The following NKAIN3 variants were observed in gnomAD, a reference collection of about 807,000 sequenced individuals.
The protein encoded by NKAIN3 is sodium/potassium-transporting ATPase subunit beta-1-interacting protein 3.
Under a neutral mutation model 30.2 loss-of-function variants are expected in NKAIN3, and 25 were observed. That is an observed-to-expected ratio of 0.83 (90% confidence interval 0.60 to 1.16). NKAIN3 has a LOEUF of 1.16. Ranked by LOEUF, NKAIN3 falls within the 50% of genes most tolerant of loss-of-function variation. The pLI is 0.00. For missense variants in NKAIN3, 225 were observed against 254.1 expected (o/e 0.89, Z 0.78); for synonymous variants, 91 against 89.6 (o/e 1.02, Z -0.09).
chr8:62,740,875 G>A (rs1168009998), intron 3 of NKAIN3, among the ~76,000 whole-genome samples: 1 of 151,986 alleles, frequency 6.6e-6, no homozygotes, highest in East Asian at 1.9e-4. Flanking sequence ...GGAAAAGGTA[G>A]ATACCATGGA....
At chr8:62,452,004 T>C (rs1411324937) in intron 1 of NKAIN3, among the ~76,000 whole-genome samples, 1 of 152,206 alleles carries the variant, frequency 6.6e-6, no homozygotes, top group Non-Finnish European at 1.5e-5. Flanking sequence ...GTTTGAACAT[T>C]ACAATGTCAT....
At chr8:62,536,942 C>G (rs1004747957) in intron 1 of NKAIN3, among the ~76,000 whole-genome samples, 1 of 152,094 alleles carries the variant, frequency 6.6e-6, no homozygotes, top group South Asian at 2.1e-4. Context: ...CTCTGCTCTC[C>G]CATCAGGAGA....
At chr8:62,331,515 A>G (rs558786412) in intron 1 of NKAIN3, among the ~76,000 whole-genome samples, 1 of 152,164 alleles carries the variant, frequency 6.6e-6, no homozygotes, top group South Asian at 2.1e-4. Flanking sequence ...CAAATGTGAA[A>G]AGCTAGAACT....
rs1414258629 is a variant in NKAIN3, at chr8:62,333,026, G to GT, written c.54+83904dup. Among the ~76,000 whole-genome samples, 3 of 152,100 alleles carry GT rather than the reference G, an allele frequency of 2.0e-5. No individual in the cohort carries two copies. The East Asian group carries it at 5.8e-4, about 29-fold the overall frequency. ...AAAACAAAACCAACAAAAAACAGTT[G>GT]TTTTTCCAGCACAATTCATGAGATT... On this transcript the variant is annotated intron_variant, in intron 1 of 6. Transcript: ENST00000623646.
At position 62,486,774 on chromosome 8, in the gene NKAIN3, A is replaced by C. The variant is rs76349306; in HGVS notation, c.55-92765A>C. Among the ~76,000 whole-genome samples, 5 of 152,240 alleles carry C rather than the reference A, an allele frequency of 3.3e-5. No homozygotes were observed. The East Asian group carries it at 9.6e-4, about 29-fold the overall frequency. On this transcript the variant is annotated intron_variant, in intron 1 of 6. Transcript: ENST00000623646. ...ACCATTTGCAATTGTCTTAAGGCTC[A>C]GTAAATGGCAACTGGCAACAACTTC...
At chr8:62,881,817 C>T (rs1820992821) in intron 4 of NKAIN3, among the ~76,000 whole-genome samples, 1 of 152,240 alleles carries the variant, frequency 6.6e-6, no homozygotes. Context: ...GCCAAACTGT[C>T]TTCCAAAGCA....
intron 1 of NKAIN3, among the ~76,000 whole-genome samples, chr8:62,512,083 A>G (rs969831496): frequency 1.3e-5 from 2 of 152,172 alleles, no homozygotes; most frequent in African/African-American, 4.8e-5. Flanking sequence ...TGCTTTTAGC[A>G]AAATGAACTT....
chr8:62,253,440 T>G (rs570934244), intron 1 of NKAIN3, among the ~76,000 whole-genome samples: 10 of 152,184 alleles, frequency 6.6e-5, no homozygotes, highest in African/African-American at 2.4e-4. Context: ...TGTGGTGAGT[T>G]GTGCCTCTAG....
chr8:62,849,033 GC>G (rs1819778834), intron 4 of NKAIN3, among the ~76,000 whole-genome samples: 2 of 152,234 alleles, frequency 1.3e-5, no homozygotes, highest in South Asian at 4.1e-4. Flanking sequence ...TGGTGGATAA[GC>G]TTTTTGATGT....
chr8:62,895,488 G>C (rs1821404366), intron 4 of NKAIN3, among the ~76,000 whole-genome samples: 1 of 152,178 alleles, frequency 6.6e-6, no homozygotes, highest in Non-Finnish European at 1.5e-5. Flanking sequence ...AGTTTAACAA[G>C]ATCTCAGGTA....
At chr8:62,338,906 A>G (rs1402639044) in intron 1 of NKAIN3, among the ~76,000 whole-genome samples, 1 of 152,000 alleles carries the variant, frequency 6.6e-6, no homozygotes, top group Non-Finnish European at 1.5e-5. Flanking sequence ...CTCAAATGTT[A>G]ATCTCTTTTG....
intron 4 of NKAIN3, among the ~76,000 whole-genome samples, chr8:62,880,934 T>C (rs573197691): frequency 1.2e-4 from 18 of 152,326 alleles, no homozygotes; most frequent in Admixed American, 3.3e-4. Context: ...TCCCCACATA[T>C]GCACAGCTTT....
intron 5 of NKAIN3, among the ~76,000 whole-genome samples, chr8:62,941,196 C>G (rs999406855): frequency 6.6e-6 from 1 of 151,880 alleles, no homozygotes; most frequent in Non-Finnish European, 1.5e-5. Flanking sequence ...CTAGATTAAA[C>G]CAGGAAGAAA....
At chr8:62,412,870 C>T (rs1175439146) in intron 1 of NKAIN3, among the ~76,000 whole-genome samples, 1 of 145,706 alleles carries the variant, frequency 6.9e-6, no homozygotes, top group Non-Finnish European at 1.5e-5. Flanking sequence ...TGAGATCGCA[C>T]CACTGCACTG....
chr8:62,370,422 T>C (rs537347887), intron 1 of NKAIN3, among the ~76,000 whole-genome samples: 2 of 151,228 alleles, frequency 1.3e-5, no homozygotes, highest in South Asian at 4.2e-4. Flanking sequence ...AAAAAGAAAA[T>C]GGGGGGGAAC....
chr8:62,821,138 C>G (rs1222427852), intron 4 of NKAIN3, among the ~76,000 whole-genome samples: 1 of 152,024 alleles, frequency 6.6e-6, no homozygotes, highest in Non-Finnish European at 1.5e-5. Flanking sequence ...TCCCTGGTAT[C>G]ATGTCTTTCC....
At chr8:62,757,945 T>C (rs539160712) in intron 4 of NKAIN3, among the ~76,000 whole-genome samples, 1 of 152,282 alleles carries the variant, frequency 6.6e-6, no homozygotes, top group South Asian at 2.1e-4. Flanking sequence ...GTAAGGAGGC[T>C]ATTCTGAATG....
At chr8:62,448,404 G>A (rs1263714157) in intron 1 of NKAIN3, among the ~76,000 whole-genome samples, 2 of 150,008 alleles carry the variant, frequency 1.3e-5, no homozygotes, top group East Asian at 3.9e-4. Context: ...GGCCTATGAT[G>A]GTATTTATTT....
At chr8:62,849,605 C>G (rs543488760) in intron 4 of NKAIN3, among the ~76,000 whole-genome samples, 8 of 129,540 alleles carry the variant, frequency 6.2e-5, no homozygotes, top group Non-Finnish European at 9.9e-5. Context: ...TCCCCTCCCC[C>G]CCACCCACCC....
Sources: allele counts gnomAD v4.1 joint callset (sites outside exome capture counted in the v4.1 genomes callset), GRCh38; gene constraint gnomAD v4.1.1; transcripts MANE v1.5; gene names NCBI Gene and HGNC (gene_info 2026-07-23, HGNC 2026-07-21).